SPTAN1: variants seen among roughly 807,000 people sequenced by gnomAD.
SPTAN1 encodes spectrin alpha chain, non-erythrocytic 1.
In SPTAN1, 61 loss-of-function variants were observed where a neutral mutation model predicts 331.3. The ratio of observed to expected loss-of-function variants is 0.18; its 90% CI spans 0.15 to 0.23. The LOEUF (loss-of-function observed/expected upper bound fraction) is 0.23, where lower values mean the gene tolerates loss of function less well. SPTAN1 is among the 10% of genes least tolerant of loss of function. SPTAN1 has a pLI of 1.00. For synonymous variants in SPTAN1, 1,153 were observed against 1,173.9 expected, an observed-to-expected ratio of 0.98 and a Z score of 0.36; for missense variants, 2,043 against 3,147.9, an observed-to-expected ratio of 0.65 and a Z score of 8.40.
In SPTAN1 at chr9:128,609,393, G is replaced by T. The variant is rs13299607; in HGVS notation, c.4758+109G>T. ...ATCTCCTTGCACCCATGGGAAGTCAGTGAGAAATATTTCAGTAAGCCCAGC... is the reference window on the plus strand; with the variant it reads ...ATCTCCTTGCACCCATGGGAAGTCATTGAGAAATATTTCAGTAAGCCCAGC... On this transcript the variant is annotated intron_variant, in intron 36 of 56. Coordinates refer to ENST00000372739, the MANE Select transcript of SPTAN1 (RefSeq NM_001130438.3). 242,781 of 1,526,878 alleles carry T rather than the reference G, an allele frequency of 0.16. 20,801 individuals carry two copies. The highest frequency in any genetic ancestry group is 0.2 in the South Asian group (17,357 of 85,996). 94.6% of individuals were successfully genotyped at this position (1,526,878 alleles called of 1,614,324 possible). A position where few individuals can be genotyped will look rare whatever the true frequency, so the allele number is the denominator to read the frequency against.
intron 4 of SPTAN1, 80 bp downstream of exon 4, chr9:128,574,895 C>T: frequency 6.3e-7 from 1 of 1,596,144 alleles, no homozygotes. Context: ...TAGTGAGACC[C>T]AGTGTTAGCA....
chr9:128,618,233 C>T, intron 43 of SPTAN1, 125 bp downstream of exon 43: 3 of 1,454,822 alleles, frequency 2.1e-6, no homozygotes, highest in Non-Finnish European at 2.8e-6. Context: ...TCACATGTGC[C>T]ATAGTCGGTT....
rs1218525765 is a variant in SPTAN1, at chr9:128,607,971, T to C, written c.4266T>C (p.Ile1422=). The C allele has an allele frequency of 1.9e-6, 3 of 1,614,064 alleles. No homozygotes were observed. The highest frequency in any genetic ancestry group is 3.3e-5 in the Admixed American group (2 of 60,008). The change falls in exon 33 of 57, where the codon ATT becomes ATC. Residue 1422 remains isoleucine, a synonymous_variant. Coordinates refer to ENST00000372739, the MANE Select transcript of SPTAN1 (RefSeq NM_001130438.3). ...ASPEIKQKLD[I]LDQERADLEK... ...CTGAGATCAAGCAGAAACTTGATAT[T>C]CTTGACCAGGAGCGTGCAGACCTGG...
chr9:128,555,404 T>A, intron 1 of SPTAN1: 1 of 1,289,508 alleles, frequency 7.8e-7, no homozygotes, highest in Middle Eastern at 2.1e-4. Flanking sequence ...GTCCAGGTAT[T>A]TGACGAGCAT....
At chr9:128,631,882 T>C in intron 52 of SPTAN1, 1 of 556,940 alleles carries the variant, frequency 1.8e-6, no homozygotes, top group Non-Finnish European at 3.2e-6. Flanking sequence ...GTCCTTGGCG[T>C]GCACTGCCCT....
intron 19 of SPTAN1, among the ~76,000 whole-genome samples, chr9:128,586,239 C>T (rs1424991435): frequency 1.3e-5 from 2 of 150,472 alleles, no homozygotes; most frequent in East Asian, 4.0e-4. Context: ...CTGCCTCAGC[C>T]TCCCAAGTAG....
chr9:128,633,159 G>A, intron 56 of SPTAN1, 50 bp from the exon 57 acceptor site: 1 of 1,613,084 alleles, frequency 6.2e-7, no homozygotes, highest in Non-Finnish European at 8.5e-7. Context: ...GGTCGGGTTT[G>A]AAGTGGGTGC....
chr9:128,612,786 C>T (rs941647442), intron 39 of SPTAN1, among the ~76,000 whole-genome samples: 23 of 152,020 alleles, frequency 1.5e-4, no homozygotes, highest in African/African-American at 5.3e-4. Context: ...ATTAGCCAGG[C>T]GTGGTGGCAC....
At chr9:128,604,508 C>A in intron 29 of SPTAN1, 91 bp downstream of exon 29, 2 of 1,228,972 alleles carry the variant, frequency 1.6e-6, no homozygotes, top group South Asian at 1.3e-5. Context: ...GATCCTAGAG[C>A]AACTGCTGGC....
At chr9:128,632,512 G>A in intron 54 of SPTAN1, 28 bp downstream of exon 54, 3 of 1,614,190 alleles carry the variant, frequency 1.9e-6, no homozygotes, top group Non-Finnish European at 2.5e-6. Context: ...CGCCCTGGCT[G>A]GGTGGGGGGT....
intron 36 of SPTAN1, 41 bp from the exon 37 acceptor site, chr9:128,609,610 T>A: frequency 1.3e-6 from 2 of 1,502,688 alleles, no homozygotes; most frequent in South Asian, 2.6e-5. Context: ...TGTGTCCACA[T>A]CAGTGTACTG....
intron 5 of SPTAN1, among the ~76,000 whole-genome samples, chr9:128,576,106 G>A (rs1003577891): frequency 2.6e-5 from 4 of 152,120 alleles, no homozygotes; most frequent in African/African-American, 4.8e-5. Context: ...GCTTTCCTGC[G>A]GTTGAGCTTG....
At chr9:128,613,696 A>G (rs1189433392) in intron 40 of SPTAN1, among the ~76,000 whole-genome samples, 1 of 152,222 alleles carries the variant, frequency 6.6e-6, no homozygotes, top group African/African-American at 2.4e-5. Context: ...AATGCTCACC[A>G]TTATTAAAAA....
intron 1 of SPTAN1, among the ~76,000 whole-genome samples, chr9:128,554,939 G>A (rs924842411): frequency 6.6e-6 from 1 of 152,234 alleles, no homozygotes. Flanking sequence ...GTTCTACTTT[G>A]TGGCAATTTC....
chr9:128,574,636 A>C (rs1851097961), intron 3 of SPTAN1, 39 bp from the exon 4 acceptor site: 1 of 1,613,168 alleles, frequency 6.2e-7, no homozygotes, highest in Non-Finnish European at 8.5e-7. Context: ...CCACAGAGCC[A>C]GTTGTGATCT....
At chr9:128,593,908 A>G (rs529078876) in intron 23 of SPTAN1, 103 of 467,378 alleles carry the variant, frequency 2.2e-4, no homozygotes, top group African/African-American at 2.0e-3. Context: ...GTGTTGTTCT[A>G]AGTGCAGAAT....
intron 51 of SPTAN1, chr9:128,628,833 C>A (rs963630860): frequency 8.9e-5 from 28 of 313,164 alleles, no homozygotes; most frequent in Non-Finnish European, 1.5e-4. Flanking sequence ...GACACCCTGG[C>A]CACCTGACTC....
chr9:128,595,832 T>G (rs1247796665), intron 24 of SPTAN1: 1 of 152,094 alleles, frequency 6.6e-6, no homozygotes, highest in Non-Finnish European at 1.5e-5. Context: ...CTTCTTTTGT[T>G]TAGGTTTTCT....
intron 1 of SPTAN1, among the ~76,000 whole-genome samples, chr9:128,561,695 GTC>G (rs1456318721): frequency 2.9e-4 from 19 of 65,358 alleles, no homozygotes; most frequent in African/African-American, 7.8e-4. Context: ...AAAAGAATAT[GTC>G]AATATGTCAA....
Sources: gnomAD v4.1 joint callset for allele counts (sites outside exome capture counted in the v4.1 genomes callset) on GRCh38, gnomAD v4.1.1 for gene constraint, MANE v1.5 for transcripts, NCBI Gene and HGNC (gene_info 2026-07-23, HGNC 2026-07-21) for gene names.